The following LDLRAP1 variants were observed in gnomAD, a reference collection of about 807,000 sequenced individuals.
LDLRAP1 encodes low density lipoprotein receptor adaptor protein 1, also known as low density lipoprotein receptor adapter protein 1.
Under a neutral mutation model 37.8 loss-of-function variants are expected in LDLRAP1, and 30 were observed. That is an observed-to-expected ratio of 0.79 (90% CI 0.59 to 1.08). The LOEUF (loss-of-function observed/expected upper bound fraction) is 1.08, where lower values mean the gene tolerates loss of function less well. LDLRAP1 is among the 50% of genes least tolerant of loss of function. The pLI, the probability that LDLRAP1 is intolerant of heterozygous loss-of-function variation, is 0.00. For missense variants in LDLRAP1, 375 were observed against 401.6 expected, an observed-to-expected ratio of 0.93 and a Z score of 0.57; for synonymous variants, 156 against 169.8, an observed-to-expected ratio of 0.92 and a Z score of 0.63.
chr1:25,584,138 C>T, the LDLRAP1 span, among the ~76,000 whole-genome samples: 5 of 152,100 alleles, frequency 3.3e-5, no homozygotes, highest in African/African-American at 1.2e-4. Context: ...AACGCTGGCT[C>T]TGTGGGAACA....
In LDLRAP1 at chr1:25,563,069, G is replaced by C. The variant is rs762148512; in HGVS notation, c.533-1G>C. The stretch of plus-strand genomic sequence containing the variant: ...CAACATGTTGTGCCTTGGTCCTGCA[G>C]AGAAAGAGAAGAGGGACAAAGCCAG... On this transcript the variant is annotated splice_acceptor_variant, in intron 5 of 8. Transcript: ENST00000374338. LOFTEE classifies it high-confidence loss of function. The C allele has an allele frequency of 1.9e-6, 3 of 1,614,052 alleles. No individual in the cohort carries two copies. Among genetic ancestry groups the C allele is most frequent in the South Asian group, 1.1e-5 (1 of 91,068 alleles).
At chr1:25,558,268 A>G (rs771129072) in intron 4 of LDLRAP1, among the ~76,000 whole-genome samples, 1 of 152,120 alleles carries the variant, frequency 6.6e-6, no homozygotes. Flanking sequence ...CCCATGCCCT[A>G]TAGCCCTTGG....
chr1:25,555,066 G>T lies in LDLRAP1; in HGVS notation c.344+94G>T. On this transcript the variant is annotated intron_variant, in intron 3 of 8. Coordinates refer to ENST00000374338, the MANE Select transcript of LDLRAP1 (RefSeq NM_015627.3). This position sits in a 1 kb window ranked among gnomAD's most constrained non-coding sequence, Gnocchi z 4.7. ...ATCCAGGCTCTACCACTTCCTACCT[G>T]GGTGACATTGGAGCCTCAGTTTCCT... The T allele has an allele frequency of 2.3e-6, 2 of 886,238 alleles. No individual in the cohort carries two copies. 54.9% of individuals were successfully genotyped at this position (886,238 alleles called of 1,614,324 possible).
chr1:25,562,100 ACAAGCCTT>A (rs2044356035), intron 4 of LDLRAP1, among the ~76,000 whole-genome samples: 1 of 152,150 alleles, frequency 6.6e-6, no homozygotes, highest in Admixed American at 6.5e-5. Flanking sequence ...CAGGAAATTG[ACAAGCCTT>A]CTACTCTCTT....
At chr1:25,586,372 T>C in the LDLRAP1 span, among the ~76,000 whole-genome samples, 5 of 152,086 alleles carry the variant, frequency 3.3e-5, no homozygotes, top group South Asian at 2.1e-4. This position sits in a 1 kb window ranked among gnomAD's most constrained non-coding sequence, Gnocchi z 4.3. Flanking sequence ...TGAGAGCTGA[T>C]TGTGCTGCGG....
Position 25,554,980 on chromosome 1 carries a change from C to A in LDLRAP1, c.344+8C>A, listed in dbSNP as rs2124667766. On this transcript the variant is annotated splice_region_variant and intron_variant, in intron 3 of 8. Transcript: ENST00000374338. The surrounding 1 kb of genome is among the most constrained non-coding windows in gnomAD (Gnocchi z 5.4). The stretch of plus-strand genomic sequence containing the variant: ...GAACGTGTCCATATACAGGTACGCT[C>A]AGCATGGGGTTGGCCCATCCACTCT... 6.2e-7 allele frequency: 1 copy of A among 1,605,682 alleles called. No homozygotes were observed. The highest frequency in any genetic ancestry group is 8.5e-7 in the Non-Finnish European group (1 of 1,172,480).
downstream of LDLRAP1, among the ~76,000 whole-genome samples, chr1:25,569,726 C>T (rs1415428393): frequency 2.0e-5 from 3 of 152,240 alleles, no homozygotes; most frequent in East Asian, 3.8e-4. Flanking sequence ...GGGTGTTGTG[C>T]TGAGCTCTGC....
the LDLRAP1 span, among the ~76,000 whole-genome samples, chr1:25,582,013 C>T: frequency 6.6e-6 from 1 of 152,164 alleles, no homozygotes; most frequent in Non-Finnish European, 1.5e-5. Context: ...TTGGTGAAAT[C>T]CAGCCCCACC....
intron 1 of LDLRAP1, among the ~76,000 whole-genome samples, chr1:25,551,192 C>G (rs1421585979): frequency 6.6e-6 from 1 of 152,202 alleles, no homozygotes; most frequent in African/African-American, 2.4e-5. Context: ...CACAGTAGCA[C>G]TTCTTTCCAT....
chr1:25,574,081 C>A, the LDLRAP1 span, among the ~76,000 whole-genome samples: 1 of 152,190 alleles, frequency 6.6e-6, no homozygotes, highest in African/African-American at 2.4e-5. Context: ...CAGAGTTGGA[C>A]AGAGTGCTGG....
At chr1:25,550,792 T>C (rs2044054721) in intron 1 of LDLRAP1, among the ~76,000 whole-genome samples, 1 of 151,804 alleles carries the variant, frequency 6.6e-6, no homozygotes, top group African/African-American at 2.4e-5. Flanking sequence ...AAGGACGTGG[T>C]TAGAGGAGGG....
At chr1:25,558,078 G>A (rs1419624069) in intron 4 of LDLRAP1, among the ~76,000 whole-genome samples, 1 of 152,126 alleles carries the variant, frequency 6.6e-6, no homozygotes, top group African/African-American at 2.4e-5. Context: ...AACCTTGGTG[G>A]TCACGGGGGA....
At chr1:25,551,509 A>G (rs2044070821) in intron 1 of LDLRAP1, among the ~76,000 whole-genome samples, 2 of 152,172 alleles carry the variant, frequency 1.3e-5, no homozygotes, top group South Asian at 4.1e-4. Flanking sequence ...GGTAATAGCT[A>G]TGGCTTTATT....
At chr1:25,563,228 G>C in intron 6 of LDLRAP1, 75 bp downstream of exon 6, 1 of 1,256,180 alleles carries the variant, frequency 8.0e-7, no homozygotes, top group African/African-American at 1.5e-5. Context: ...TCCCACTCCT[G>C]CCTGGGCTGG....
chr1:25,547,475 T>G (rs1042929253), intron 1 of LDLRAP1, among the ~76,000 whole-genome samples: 4 of 148,606 alleles, frequency 2.7e-5, no homozygotes, highest in Non-Finnish European at 5.9e-5. Flanking sequence ...ACAGTGAGAC[T>G]TTGTCTCAAA....
intron 8 of LDLRAP1, among the ~76,000 whole-genome samples, chr1:25,565,544 C>CT (rs34585710): frequency 0.012 from 1,702 of 142,196 alleles, 15 homozygotes; most frequent in African/African-American, 0.031. Flanking sequence ...CAAAAATGGG[C>CT]TTTTTTTTTT....
At chr1:25,547,947 G>T (rs745941256) in intron 1 of LDLRAP1, among the ~76,000 whole-genome samples, 1 of 152,218 alleles carries the variant, frequency 6.6e-6, no homozygotes, top group Non-Finnish European at 1.5e-5. Flanking sequence ...GGCTGTGTGA[G>T]GGGCATGTGG....
intron 1 of LDLRAP1, among the ~76,000 whole-genome samples, chr1:25,549,751 G>A (rs1050080478): frequency 3.0e-4 from 34 of 114,696 alleles, no homozygotes; most frequent in African/African-American, 1.7e-3. Context: ...CGAGTAGGGC[G>A]GGTGGCGGGT....
At chr1:25,585,973 C>T in the LDLRAP1 span, among the ~76,000 whole-genome samples, 1 of 152,192 alleles carries the variant, frequency 6.6e-6, no homozygotes, top group African/African-American at 2.4e-5. Context: ...TGTCAAATAA[C>T]CCACCCTCCT....
Sources: allele counts gnomAD v4.1 joint callset (sites outside exome capture counted in the v4.1 genomes callset), GRCh38; gene constraint gnomAD v4.1.1; non-coding constraint Gnocchi (gnomAD v3.1); transcripts MANE v1.5; gene names NCBI Gene and HGNC (gene_info 2026-07-23, HGNC 2026-07-21).